Variants in RUFY1 observed in about 807,000 individuals in gnomAD.
RUFY1 encodes RUN and FYVE domain-containing protein 1.
In RUFY1, 54 loss-of-function variants were observed where a neutral mutation model predicts 94.6. That is an observed-to-expected ratio of 0.57 (90% confidence interval 0.46 to 0.72). The LOEUF (loss-of-function observed/expected upper bound fraction) is 0.72. Ranked by LOEUF, RUFY1 falls within the 30% of genes least tolerant of loss-of-function variation. The pLI is 0.00. For missense variants in RUFY1, 883 were observed against 883.9 expected (o/e 1.00, Z 0.01); for synonymous variants, 396 against 347.3 (o/e 1.14, Z -1.56).
intron 15 of RUFY1, among the ~76,000 whole-genome samples, chr5:179,605,140 G>A (rs545362976): frequency 6.6e-5 from 10 of 152,070 alleles, no homozygotes; most frequent in Admixed American, 2.6e-4. Context: ...TTAGCCAGGC[G>A]TGATGGCATG....
Position 179,596,620 on chromosome 5 carries a change from C to T in RUFY1, c.1570C>T (p.Gln524Ter). 11 of 1,613,096 alleles carry T rather than the reference C, an allele frequency of 6.8e-6. No individual in the cohort carries two copies. The highest frequency in any genetic ancestry group is 9.3e-6 in the Non-Finnish European group (11 of 1,179,906). The change falls in exon 13 of 18, where the codon CAG becomes TAG. Residue 524 changes from glutamine to a stop codon, truncating the protein, a stop_gained. Transcript: ENST00000319449. LOFTEE classifies it high-confidence loss of function. ...TGAGGAGCGGAGCCACAAGCTGCAG[C>T]AGGAGCTGGGCGGGAGGATCGGCGC... is the stretch of plus-strand genomic sequence containing the variant. ...GAEERSHKLQ[Q>*]ELGGRIGALQ...
intron 15 of RUFY1, 118 bp from the exon 16 acceptor site, chr5:179,605,758 C>T (rs977136575): frequency 2.7e-6 from 2 of 751,460 alleles, no homozygotes; most frequent in African/African-American, 3.5e-5. Flanking sequence ...AACTCACGTT[C>T]TGGGTCTCCT....
chr5:179,607,623 G>T lies in RUFY1; in HGVS notation c.1947G>T (p.Arg649Ser), dbSNP rs753158185. The change falls in exon 17 of 18, where the codon AGG becomes AGT. Residue 649 changes from arginine (R) to serine (S), a missense_variant. Arg to Ser is a moderately radical substitution (Grantham distance 110, BLOSUM62 -1). Transcript: ENST00000319449. ...WLKDDEATHC[R>S]QCEKEFSISR... ...AAGATGACGAAGCGACACACTGTAG[G>T]CAGTGTGAGAAGGAGTTCTCCATTT... 1.2e-6 allele frequency: 2 copies of T among 1,614,144 alleles called. No homozygotes were observed. Among genetic ancestry groups the T allele is most frequent in the Admixed American group, 3.3e-5 (2 of 60,026 alleles).
At chr5:179,577,659 A>G (rs1763746373) in intron 6 of RUFY1, among the ~76,000 whole-genome samples, 1 of 136,102 alleles carries the variant, frequency 7.3e-6, no homozygotes. Flanking sequence ...GGGGGTGGGG[A>G]GTTTCAGCCG....
At chr5:179,583,797 T>A (rs2127544187) in intron 7 of RUFY1, among the ~76,000 whole-genome samples, 1 of 151,878 alleles carries the variant, frequency 6.6e-6, no homozygotes, top group African/African-American at 2.4e-5. Context: ...TCGCCCAGGC[T>A]GGAGTGCAGT....
intron 2 of RUFY1, among the ~76,000 whole-genome samples, chr5:179,561,048 TA>T (rs1400868657): frequency 1.3e-5 from 2 of 150,754 alleles, no homozygotes; most frequent in Admixed American, 1.3e-4. Flanking sequence ...CTGCCTCTGC[TA>T]ACAACACAAA....
intron 17 of RUFY1, among the ~76,000 whole-genome samples, chr5:179,608,961 T>C (rs1382782794): frequency 6.8e-6 from 1 of 146,448 alleles, no homozygotes; most frequent in African/African-American, 2.5e-5. Context: ...TTCACGCCTG[T>C]AATCCCAACA....
chr5:179,559,057 C>A (rs1762250674), intron 1 of RUFY1, among the ~76,000 whole-genome samples: 1 of 152,212 alleles, frequency 6.6e-6, no homozygotes, highest in South Asian at 2.1e-4. Flanking sequence ...ACAATACGAT[C>A]CCCCGCCCCC....
chr5:179,555,788 C>G, intron 1 of RUFY1: 1 of 272,292 alleles, frequency 3.7e-6, no homozygotes, highest in Non-Finnish European at 7.2e-6. Context: ...CCACCACGCC[C>G]AGGTAATTTT....
At chr5:179,586,658 C>A (rs1387073764) in intron 8 of RUFY1, among the ~76,000 whole-genome samples, 2 of 152,096 alleles carry the variant, frequency 1.3e-5, no homozygotes, top group Non-Finnish European at 2.9e-5. Flanking sequence ...CCTCCTGAGG[C>A]GCCAGCCCTG....
intron 9 of RUFY1, 139 bp downstream of exon 9, chr5:179,589,786 G>A: frequency 1.4e-6 from 1 of 698,280 alleles, no homozygotes; most frequent in East Asian, 2.8e-5. Flanking sequence ...GCCTCTCACT[G>A]CGGTCCCTGC....
At chr5:179,574,557 G>A (rs1177805040) in intron 5 of RUFY1, among the ~76,000 whole-genome samples, 1 of 151,976 alleles carries the variant, frequency 6.6e-6, no homozygotes, top group Non-Finnish European at 1.5e-5. Flanking sequence ...TTTGTTCTTT[G>A]ACCACTTTAA....
intron 15 of RUFY1, among the ~76,000 whole-genome samples, chr5:179,603,955 G>A (rs1287478184): frequency 6.6e-6 from 1 of 152,224 alleles, no homozygotes; most frequent in African/African-American, 2.4e-5. Context: ...TACTCAGGAG[G>A]CTGAGGCAGG....
rs1307733422 is a variant in RUFY1 at position 179,596,550 on chromosome 5, T to C, written c.1512-12T>C. On this transcript the variant is annotated splice_polypyrimidine_tract_variant and intron_variant, in intron 12 of 17. Coordinates refer to ENST00000319449, the MANE Select transcript of RUFY1 (RefSeq NM_025158.5). ...TTTGCTTCATTTGCACTCTTGCTGGTGTCGCATCCAGGTTGCAGCACTCGG... is the reference window on the plus strand; with the variant it reads ...TTTGCTTCATTTGCACTCTTGCTGGCGTCGCATCCAGGTTGCAGCACTCGG... 6.2e-7 allele frequency: 1 copy of C among 1,613,746 alleles called. No homozygotes were observed. The highest frequency in any genetic ancestry group is 1.7e-5 in the Admixed American group (1 of 60,014).
intron 6 of RUFY1, among the ~76,000 whole-genome samples, chr5:179,577,622 A>G (rs1410114006): frequency 3.1e-5 from 3 of 95,416 alleles, no homozygotes; most frequent in Non-Finnish European, 3.9e-5. Flanking sequence ...CGGCCGAAAG[A>G]GCAAATCCGG....
intron 5 of RUFY1, 108 bp from the exon 6 acceptor site, chr5:179,576,967 A>T: frequency 1.2e-6 from 1 of 812,726 alleles, no homozygotes; most frequent in Non-Finnish European, 2.1e-6. Context: ...TGACCTAAAT[A>T]AATGTTCATA....
chr5:179,572,115 G>T, intron 5 of RUFY1: 1 of 192,464 alleles, frequency 5.2e-6, no homozygotes, highest in Non-Finnish European at 1.1e-5. Flanking sequence ...CACGCGTCTG[G>T]TTGTCAGTCT....
At chr5:179,606,033 G>C in intron 16 of RUFY1, 109 bp downstream of exon 16, 1 of 775,156 alleles carries the variant, frequency 1.3e-6, no homozygotes. Context: ...GGTTGAGGCA[G>C]TGGTGATGAC....
At chr5:179,560,596 G>T (rs1334421912) in intron 2 of RUFY1, among the ~76,000 whole-genome samples, 1 of 150,724 alleles carries the variant, frequency 6.6e-6, no homozygotes, top group Non-Finnish European at 1.5e-5. Context: ...CGTGGTAGCG[G>T]GCGCCTGTAG....
Sources: allele counts gnomAD v4.1 joint callset (sites outside exome capture counted in the v4.1 genomes callset), GRCh38; gene constraint gnomAD v4.1.1; transcripts MANE v1.5; gene names NCBI Gene and HGNC (gene_info 2026-07-23, HGNC 2026-07-21).